Variants in MVB12B observed in about 807,000 individuals in gnomAD.
MVB12B encodes the protein multivesicular body subunit 12B, also known as ESCRT-I complex subunit MVB12B.
Under a neutral mutation model 41.6 loss-of-function variants are expected in MVB12B, and 16 were observed. The observed-to-expected ratio is 0.38, with a 90% CI of 0.26 to 0.58. MVB12B has a LOEUF of 0.58. Ranked by LOEUF, MVB12B falls within the 20% of genes least tolerant of loss-of-function variation. The probability of loss-of-function intolerance (pLI) is 0.62; values close to 1 mark genes in which losing one functional copy is unlikely to be tolerated. For missense variants in MVB12B, 274 were observed against 380.2 expected, an observed-to-expected ratio of 0.72 and a Z score of 2.32; for synonymous variants, 133 against 139.7, an observed-to-expected ratio of 0.95 and a Z score of 0.34.
At chr9:126,399,601 A>G (rs1358549159) in intron 6 of MVB12B, among the ~76,000 whole-genome samples, 1 of 152,182 alleles carries the variant, frequency 6.6e-6, no homozygotes, top group African/African-American at 2.4e-5. Flanking sequence ...TGCTGGGAAG[A>G]AGAGGTTCCG....
chr9:126,376,363 C>G lies in MVB12B; in HGVS notation c.205-4701C>G, dbSNP rs1293997477. 2 of 496,794 alleles carry G rather than the reference C, an allele frequency of 4.0e-6. No individual in the cohort carries two copies. Among genetic ancestry groups the G allele is most frequent in the South Asian group, 3.2e-5 (2 of 62,320 alleles). The allele number at this position is 496,794 out of a possible 1,614,324, so 30.8% of individuals were successfully genotyped here. A position where few individuals can be genotyped will look rare whatever the true frequency, so the allele number is the denominator to read the frequency against. The stretch of plus-strand genomic sequence containing the variant: ...ATTCTCTTTGCTACCTTCAAGCTCC[C>G]TTTTTTCTATTTTGGGCCCTTCTGT... On this transcript the variant is annotated intron_variant, in intron 2 of 9. Transcript: ENST00000361171. This position sits in a 1 kb window ranked among gnomAD's most constrained non-coding sequence, Gnocchi z 4.1.
chr9:126,384,738 GC>G (rs1830726871), intron 3 of MVB12B, among the ~76,000 whole-genome samples: 1 of 151,334 alleles, frequency 6.6e-6, no homozygotes, highest in Non-Finnish European at 1.5e-5. Context: ...TCACCATGTT[GC>G]CCAGGCTGGT....
rs1834017081 is a variant in MVB12B at position 126,504,015 on chromosome 9, C to G, written c.*752C>G. On this transcript the variant is annotated 3_prime_UTR_variant, in exon 10 of 10. Transcript: ENST00000361171. ...TGGCGCGCCTCCCCCAAGGGCTCAT[C>G]TGTGCAACAACCACATGCCAACAAT... 1 of 152,522 alleles carries G rather than the reference C, an allele frequency of 6.6e-6. No individual in the cohort carries two copies. The highest frequency in any genetic ancestry group is 1.9e-4 in the East Asian group (1 of 5,198). The allele number at this position is 152,522 out of a possible 1,614,324, so 9.4% of individuals were successfully genotyped here.
rs1011576105 is a variant in MVB12B at position 126,421,056 on chromosome 9, T to A, written c.663-798T>A. Among the ~76,000 whole-genome samples, 3 of 152,194 alleles carry A rather than the reference T, an allele frequency of 2.0e-5. 1 individual carries two copies. The highest frequency in any genetic ancestry group is 2.9e-5 in the Non-Finnish European group (2 of 68,036). On this transcript the variant is annotated intron_variant, in intron 6 of 9. Coordinates refer to ENST00000361171, the MANE Select transcript of MVB12B (RefSeq NM_033446.3). ...CCACCAAGAGGTTTTGTTGTTTTTT[T>A]CCCCCAGTCCTGTTGGGTTTTAAAT...
chr9:126,473,853 G>C lies in MVB12B; in HGVS notation c.758-7516G>C, dbSNP rs1156906309. ...ACGTTAAGTGGTAATGTTGAGGCTTGAGTTATTTGATGCCTGTTCACCACC... is the reference window on the plus strand; with the variant it reads ...ACGTTAAGTGGTAATGTTGAGGCTTCAGTTATTTGATGCCTGTTCACCACC... On this transcript the variant is annotated intron_variant, in intron 7 of 9. Coordinates refer to ENST00000361171, the MANE Select transcript of MVB12B (RefSeq NM_033446.3). The surrounding 1 kb of genome is among the most constrained non-coding windows in gnomAD (Gnocchi z 4.0). 6.6e-6 allele frequency among the ~76,000 whole-genome samples: 1 copy of C among 152,256 alleles called. No homozygotes were observed. The highest frequency in any genetic ancestry group is 1.5e-5 in the Non-Finnish European group (1 of 68,050).
intron 2 of MVB12B, among the ~76,000 whole-genome samples, chr9:126,349,647 C>T (rs1029560052): frequency 2.0e-5 from 3 of 152,126 alleles, no homozygotes; most frequent in Non-Finnish European, 4.4e-5. Flanking sequence ...GCATAATTCT[C>T]CTGAGATTCA....
chr9:126,501,513 A>G (rs935164749), intron 9 of MVB12B, among the ~76,000 whole-genome samples: 9 of 152,206 alleles, frequency 5.9e-5, no homozygotes, highest in Non-Finnish European at 1.2e-4. Context: ...CCTCAGCCCC[A>G]GCTGAGACTC....
intron 7 of MVB12B, among the ~76,000 whole-genome samples, chr9:126,437,918 T>C (rs1243817751): frequency 1.3e-5 from 2 of 152,218 alleles, no homozygotes; most frequent in Non-Finnish European, 2.9e-5. Flanking sequence ...TACAGTGGTT[T>C]TTCCACAGAA....
chr9:126,418,012 G>A (rs1009905336), intron 6 of MVB12B, among the ~76,000 whole-genome samples: 1 of 152,206 alleles, frequency 6.6e-6, no homozygotes, highest in Non-Finnish European at 1.5e-5. Context: ...ACTCTTTCTG[G>A]AGGAGAGGGG....
At chr9:126,494,776 AC>A (rs1833795236) in intron 9 of MVB12B, among the ~76,000 whole-genome samples, 1 of 152,100 alleles carries the variant, frequency 6.6e-6, no homozygotes, top group Non-Finnish European at 1.5e-5. Flanking sequence ...TCTTCTACAA[AC>A]TATCTAGAAG....
intron 7 of MVB12B, among the ~76,000 whole-genome samples, chr9:126,454,836 C>T (rs1426156500): frequency 6.6e-6 from 1 of 151,410 alleles, no homozygotes; most frequent in Admixed American, 6.6e-5. Context: ...AATCAATGTT[C>T]TTTAAATGCT....
rs557946245 is a variant in MVB12B at position 126,460,771 on chromosome 9, C to T, written c.758-20598C>T. On this transcript the variant is annotated intron_variant, in intron 7 of 9. Transcript: ENST00000361171. ...GAATGAGAAGACTCCCTGGGTTCAA[C>T]CCTGGCTCCACCTCTGCTGGCAGGT... 4.7e-4 allele frequency among the ~76,000 whole-genome samples: 72 copies of T among 152,208 alleles called. No individual in the cohort carries two copies. The Middle Eastern group carries it at 0.01, about 22-fold the overall frequency.
intron 7 of MVB12B, among the ~76,000 whole-genome samples, chr9:126,444,887 A>G (rs1040119479): frequency 6.6e-6 from 1 of 152,142 alleles, no homozygotes; most frequent in African/African-American, 2.4e-5. Flanking sequence ...TCTTACTGTG[A>G]TGTATTTTGT....
chr9:126,431,231 C>A (rs2119114758), intron 7 of MVB12B, among the ~76,000 whole-genome samples: 1 of 152,326 alleles, frequency 6.6e-6, no homozygotes, highest in South Asian at 2.1e-4. Context: ...TGGCTCAGCT[C>A]AGTACCCCCT....
At chr9:126,460,510 C>T (rs992193158) in intron 7 of MVB12B, among the ~76,000 whole-genome samples, 3 of 152,190 alleles carry the variant, frequency 2.0e-5, no homozygotes, top group Non-Finnish European at 4.4e-5. Context: ...ATTGCAGAAG[C>T]ATCTGCTCGG....
rs530944612 is a variant in MVB12B at position 126,391,187 on chromosome 9, C to T, written c.410-879C>T. Among the ~76,000 whole-genome samples the T allele has an allele frequency of 4.9e-4, 74 of 152,290 alleles. No individual in the cohort carries two copies. Among genetic ancestry groups the T allele is most frequent in the Non-Finnish European group, 9.4e-4 (64 of 68,030 alleles). On this transcript the variant is annotated intron_variant, in intron 4 of 9. Coordinates refer to ENST00000361171, the MANE Select transcript of MVB12B (RefSeq NM_033446.3). This position sits in a 1 kb window ranked among gnomAD's most constrained non-coding sequence, Gnocchi z 4.4. ...TGACAGCCTAGACTTACGTGTACCC[C>T]GGACGGCGTGCATGCCTAAAAAACC... is the stretch of plus-strand genomic sequence containing the variant.
rs1320226452 is a variant in MVB12B at position 126,392,181 on chromosome 9, G to A, written c.525G>A (p.Gln175=). Residue 175 remains glutamine (Q), a synonymous_variant, in exon 5 of 10, where the codon CAG becomes CAA. Coordinates refer to ENST00000361171, the MANE Select transcript of MVB12B (RefSeq NM_033446.3). This position sits in a 1 kb window ranked among gnomAD's most constrained non-coding sequence, Gnocchi z 4.8. ...IMGRTKQAPP[Q]YTFIGELNSM... ...GCCGGACCAAGCAGGCCCCGCCTCAGTACACGTTTATTGGGTGAGTCTTAA... is the reference window on the plus strand; with the variant it reads ...GCCGGACCAAGCAGGCCCCGCCTCAATACACGTTTATTGGGTGAGTCTTAA... 3.2e-5 allele frequency: 51 copies of A among 1,614,056 alleles called. No homozygotes were observed. The highest frequency in any genetic ancestry group is 4.2e-5 in the Non-Finnish European group (50 of 1,180,028).
At chr9:126,383,801 G>A (rs889366121) in intron 3 of MVB12B, among the ~76,000 whole-genome samples, 1 of 151,982 alleles carries the variant, frequency 6.6e-6, no homozygotes, top group Non-Finnish European at 1.5e-5. Flanking sequence ...TTGGGCTGTG[G>A]GGAGCTCTGA....
chr9:126,443,089 C>T (rs1832680824), intron 7 of MVB12B, among the ~76,000 whole-genome samples: 1 of 152,134 alleles, frequency 6.6e-6, no homozygotes, highest in African/African-American at 2.4e-5. Flanking sequence ...TATCTTCAAC[C>T]CATCAAGAGT....
Sources: allele counts gnomAD v4.1 joint callset (sites outside exome capture counted in the v4.1 genomes callset), GRCh38; gene constraint gnomAD v4.1.1; non-coding constraint Gnocchi (gnomAD v3.1); transcripts MANE v1.5; gene names NCBI Gene and HGNC (gene_info 2026-07-23, HGNC 2026-07-21).